The following ZP3 variants were observed in gnomAD, a reference collection of about 807,000 sequenced individuals.
ZP3 encodes zona pellucida sperm-binding protein 3.
A neutral mutation model predicts 35.6 loss-of-function variants in ZP3; 21 were observed. The ratio of observed to expected loss-of-function variants is 0.59; its 90% CI spans 0.42 to 0.85. The LOEUF is 0.85. ZP3 is among the 40% of genes least tolerant of loss of function. The probability of loss-of-function intolerance (pLI) is 0.00; values close to 1 mark genes in which losing one functional copy is unlikely to be tolerated. For missense variants in ZP3, 437 were observed against 536.5 expected, an observed-to-expected ratio of 0.81 and a Z score of 1.83; for synonymous variants, 207 against 214.5, an observed-to-expected ratio of 0.96 and a Z score of 0.31.
chr7:76,432,032 G>GT (rs1805842460), intron 2 of ZP3, among the ~76,000 whole-genome samples: 2 of 98,832 alleles, frequency 2.0e-5, no homozygotes, highest in East Asian at 3.5e-4. Context: ...TTGGTTTTTT[G>GT]TTTAAAAAAA....
upstream of ZP3, among the ~76,000 whole-genome samples, chr7:76,424,609 C>G (rs1805594118): frequency 6.6e-6 from 1 of 152,170 alleles, no homozygotes. Flanking sequence ...TGCACTCCAG[C>G]CTGGACAACA....
chr7:76,417,632 A>T (rs1805408259), intron 1 of ZP3, among the ~76,000 whole-genome samples: 2 of 148,608 alleles, frequency 1.3e-5, no homozygotes, highest in Non-Finnish European at 1.5e-5. Flanking sequence ...TTTTTTCGAG[A>T]CAAGATCTCA....
chr7:76,402,248 C>T (rs1398068306), intron 1 of ZP3, among the ~76,000 whole-genome samples: 1 of 149,080 alleles, frequency 6.7e-6, no homozygotes, highest in African/African-American at 2.5e-5. Flanking sequence ...GGCATGATCT[C>T]ATCTCACTGC....
intron 1 of ZP3, among the ~76,000 whole-genome samples, chr7:76,405,519 A>T (rs1322520716): frequency 6.7e-6 from 1 of 150,100 alleles, no homozygotes; most frequent in Non-Finnish European, 1.5e-5. Context: ...ATGGTGACAC[A>T]TGTCTGTAGC....
upstream of ZP3, among the ~76,000 whole-genome samples, chr7:76,421,936 A>G (rs1330660844): frequency 6.7e-6 from 1 of 149,946 alleles, no homozygotes; most frequent in Non-Finnish European, 1.5e-5. Flanking sequence ...TTGCTCTGTT[A>G]CCCAGGCTGG....
upstream of ZP3, among the ~76,000 whole-genome samples, chr7:76,423,007 A>AAGAGAGAGAGAGAG (rs747350112): frequency 2.2e-3 from 166 of 76,100 alleles, 7 homozygotes; most frequent in South Asian, 2.4e-3. Flanking sequence ...AAAAGAAAGA[A>AAGAGAGAGAGAGAG]AGAGAGAGAG....
chr7:76,405,979 C>CTTTCCTTTCT (rs1805013976), intron 1 of ZP3, among the ~76,000 whole-genome samples: 1 of 147,900 alleles, frequency 6.8e-6, no homozygotes. Context: ...CTTTCCTTTC[C>CTTTCCTTTCT]TTTCTTTTCT....
chr7:76,402,706 G>T (rs1166655507), intron 1 of ZP3, among the ~76,000 whole-genome samples: 4 of 151,960 alleles, frequency 2.6e-5, no homozygotes, highest in African/African-American at 9.7e-5. Context: ...TTTCGCTCTT[G>T]TTGCCCAGGC....
At chr7:76,417,645 C>G (rs1161371915) in intron 1 of ZP3, among the ~76,000 whole-genome samples, 2 of 149,692 alleles carry the variant, frequency 1.3e-5, no homozygotes, top group African/African-American at 2.5e-5. Context: ...AGATCTCACT[C>G]TTGTCTCCCT....
intron 1 of ZP3, among the ~76,000 whole-genome samples, chr7:76,412,718 G>A (rs966008175): frequency 4.0e-5 from 6 of 151,822 alleles, no homozygotes; most frequent in African/African-American, 7.2e-5. Context: ...GGGTGGTGGC[G>A]CATGCCTGTA....
At chr7:76,432,842 G>A in intron 2 of ZP3, 85 bp from the exon 3 acceptor site, 1 of 1,152,012 alleles carries the variant, frequency 8.7e-7, no homozygotes, top group Non-Finnish European at 1.3e-6. Flanking sequence ...CCTGTAGTGG[G>A]GTAGCAGTGA....
chr7:76,401,158 T>C, intron 1 of ZP3: 2 of 1,348,084 alleles, frequency 1.5e-6, no homozygotes, highest in Non-Finnish European at 2.0e-6. Flanking sequence ...CTTCTTGGAC[T>C]TCAGTACCCC....
upstream of ZP3, among the ~76,000 whole-genome samples, chr7:76,421,606 A>ATT (rs200023159): frequency 7.0e-6 from 1 of 143,156 alleles, no homozygotes. Context: ...TATATGTATA[A>ATT]TTTTTTTTTT....
chr7:76,402,743 C>T (rs1804871765), intron 1 of ZP3, among the ~76,000 whole-genome samples: 1 of 152,166 alleles, frequency 6.6e-6, no homozygotes, highest in Non-Finnish European at 1.5e-5. Context: ...CATCTTTGCT[C>T]ACCGCAACCT....
At chr7:76,410,153 G>A (rs113803794) in intron 1 of ZP3, among the ~76,000 whole-genome samples, 3,855 of 151,636 alleles carry the variant, frequency 0.025, 125 homozygotes, top group East Asian at 0.13. Context: ...GTGCCTCAGC[G>A]CCCGAGTACC....
intron 2 of ZP3, among the ~76,000 whole-genome samples, chr7:76,432,433 C>T (rs1805858822): frequency 6.6e-6 from 1 of 152,096 alleles, no homozygotes; most frequent in African/African-American, 2.4e-5. Context: ...ATCCGCCCGC[C>T]TCGGCCTCTC....
intron 1 of ZP3, chr7:76,398,816 G>T: frequency 6.2e-7 from 1 of 1,610,030 alleles, no homozygotes; most frequent in South Asian, 1.1e-5. Flanking sequence ...GAAGTGAAGT[G>T]GATACAGGGG....
chr7:76,424,190 C>G (rs75744748), upstream of ZP3, among the ~76,000 whole-genome samples: 2 of 152,256 alleles, frequency 1.3e-5, no homozygotes, highest in South Asian at 4.1e-4. Flanking sequence ...TGGGACAGCT[C>G]CCTTGCCGGG....
intron 5 of ZP3, among the ~76,000 whole-genome samples, chr7:76,437,329 C>T (rs1289869168): frequency 1.3e-5 from 2 of 152,196 alleles, no homozygotes; most frequent in Non-Finnish European, 2.9e-5. Flanking sequence ...CACTCAATCA[C>T]CACGCCTGGC....
Sources: allele counts gnomAD v4.1 joint callset (sites outside exome capture counted in the v4.1 genomes callset), GRCh38; gene constraint gnomAD v4.1.1; transcripts MANE v1.5; gene names NCBI Gene and HGNC (gene_info 2026-07-23, HGNC 2026-07-21).